MYCBP2: variants seen among roughly 807,000 people sequenced by gnomAD.
MYCBP2 encodes E3 ubiquitin-protein ligase MYCBP2.
MYCBP2 carries 120 observed loss-of-function variants against 525.3 expected under a neutral mutation model. That is an observed-to-expected ratio of 0.23 (90% CI 0.20 to 0.27). The LOEUF (loss-of-function observed/expected upper bound fraction) is 0.27. MYCBP2 is among the 10% of genes least tolerant of loss of function. MYCBP2 has a pLI of 1.00. For synonymous variants in MYCBP2, 1,894 were observed against 1,955.8 expected (o/e 0.97, Z 0.83); for missense variants, 4,149 against 5,657.1 (o/e 0.73, Z 8.55).
chr13:77,099,142 T>C, intron 55 of MYCBP2, 129 bp from the exon 56 acceptor site: 1 of 1,209,442 alleles, frequency 8.3e-7, no homozygotes, highest in Non-Finnish European at 1.1e-6. Context: ...ACTAAAATAC[T>C]TGAAGAATAA....
intron 55 of MYCBP2, among the ~76,000 whole-genome samples, chr13:77,114,389 T>C (rs185571016): frequency 6.6e-6 from 1 of 152,098 alleles, no homozygotes; most frequent in African/African-American, 2.4e-5. Context: ...CATTTTATAA[T>C]GAGGTAACAA....
At chr13:77,214,789 C>G (rs939017301) in intron 21 of MYCBP2, among the ~76,000 whole-genome samples, 1 of 152,112 alleles carries the variant, frequency 6.6e-6, no homozygotes, top group South Asian at 2.1e-4. Context: ...ATACTGTAGG[C>G]AACTGTAACC....
chr13:77,116,059 G>A (rs1215398920), intron 55 of MYCBP2, among the ~76,000 whole-genome samples: 1 of 151,776 alleles, frequency 6.6e-6, no homozygotes, highest in Admixed American at 6.6e-5. Context: ...TACTATGTAT[G>A]TTTCTGGGGC....
intron 32 of MYCBP2, among the ~76,000 whole-genome samples, chr13:77,183,592 A>ACCAGGCTG (rs1183398780): frequency 2.9e-5 from 3 of 103,576 alleles, no homozygotes; most frequent in African/African-American, 1.1e-4. Context: ...TCATTCTGTC[A>ACCAGGCTG]CCAGGCTGGA....
intron 68 of MYCBP2, among the ~76,000 whole-genome samples, chr13:77,072,290 C>CA (rs1417911042): frequency 5.2e-5 from 4 of 77,060 alleles, no homozygotes; most frequent in East Asian, 3.9e-4. Flanking sequence ...GACTCCATTT[C>CA]AAAAAAAAAG....
chr13:77,187,046 GCAATCCT>G (rs1398437261), intron 30 of MYCBP2, among the ~76,000 whole-genome samples: 1 of 152,084 alleles, frequency 6.6e-6, no homozygotes, highest in African/African-American at 2.4e-5. Flanking sequence ...CTGAGCTCAA[GCAATCCT>G]CCTGCCTCGG....
At chr13:77,054,685 C>CA (rs2037523354) in intron 80 of MYCBP2, among the ~76,000 whole-genome samples, 1 of 151,684 alleles carries the variant, frequency 6.6e-6, no homozygotes, top group Non-Finnish European at 1.5e-5. Context: ...ATTGCAGCCT[C>CA]AACCCCCTGG....
chr13:77,062,768 T>C (rs1016440351), intron 73 of MYCBP2, 71 bp from the exon 74 acceptor site: 6 of 1,127,398 alleles, frequency 5.3e-6, no homozygotes, highest in Non-Finnish European at 6.7e-6. Flanking sequence ...CTGTGACACA[T>C]CACAACAGCT....
At chr13:77,161,457 T>C (rs140316142) in intron 44 of MYCBP2, among the ~76,000 whole-genome samples, 1 of 152,358 alleles carries the variant, frequency 6.6e-6, no homozygotes, top group African/African-American at 2.4e-5. Flanking sequence ...AACCACTTAA[T>C]ATGACATACT....
chr13:77,231,500 C>A (rs956067393), intron 18 of MYCBP2, among the ~76,000 whole-genome samples: 6 of 152,224 alleles, frequency 3.9e-5, no homozygotes, highest in African/African-American at 1.4e-4. Flanking sequence ...ACCCCCTCAG[C>A]CTTCCAAAGT....
At chr13:77,227,709 T>G (rs1254913310) in intron 18 of MYCBP2, among the ~76,000 whole-genome samples, 1 of 152,218 alleles carries the variant, frequency 6.6e-6, no homozygotes, top group Non-Finnish European at 1.5e-5. Context: ...TATAAATGTA[T>G]TGATGCCTAG....
At chr13:77,177,697 C>A in intron 35 of MYCBP2, 51 bp downstream of exon 35, 1 of 1,426,018 alleles carries the variant, frequency 7.0e-7, no homozygotes, top group East Asian at 2.3e-5. Flanking sequence ...AATGGTAAAT[C>A]CTGATACACA....
At chr13:77,243,293 A>C in intron 16 of MYCBP2, 133 bp from the exon 17 acceptor site, 1 of 735,690 alleles carries the variant, frequency 1.4e-6, no homozygotes, top group Non-Finnish European at 2.3e-6. Flanking sequence ...TTTTACTTTA[A>C]TAATTCTTAG....
Position 77,270,458 on chromosome 13 carries a change from A to G in MYCBP2, c.1026T>C (p.Ser342=). The G allele has an allele frequency of 6.2e-7, 1 of 1,613,814 alleles. No homozygotes were observed. Among genetic ancestry groups the G allele is most frequent in the Middle Eastern group, 1.7e-4 (1 of 6,056 alleles). The change falls in exon 6 of 83, where the codon AGT becomes AGC. Residue 342 remains serine (S), a synonymous_variant. Coordinates refer to ENST00000544440, the MANE Select transcript of MYCBP2 (RefSeq NM_015057.5). ...VGKIQIQDWF[S]NGIKKAALMH... The stretch of plus-strand genomic sequence containing the variant: ...TTAAAGCTGCTTTCTTAATGCCATT[A>G]CTAAACCAGTCCTGAATTTGAATTT...
intron 20 of MYCBP2, among the ~76,000 whole-genome samples, chr13:77,219,108 A>T (rs746439469): frequency 9.9e-5 from 15 of 152,164 alleles, no homozygotes; most frequent in Non-Finnish European, 2.1e-4. Context: ...TGAGAGAGAA[A>T]AGAAGAGATC....
At chr13:77,203,446 AT>A (rs2062875570) in intron 26 of MYCBP2, among the ~76,000 whole-genome samples, 1 of 152,172 alleles carries the variant, frequency 6.6e-6, no homozygotes, top group Non-Finnish European at 1.5e-5. Context: ...GGAAGAATCA[AT>A]ATCGTGAAAA....
intron 23 of MYCBP2, among the ~76,000 whole-genome samples, chr13:77,210,610 C>T (rs1423723232): frequency 6.6e-6 from 1 of 152,082 alleles, no homozygotes; most frequent in African/African-American, 2.4e-5. Flanking sequence ...ATTTCTCTAC[C>T]AGTAAGAGTA....
chr13:77,113,232 C>T (rs1205076732), intron 55 of MYCBP2, among the ~76,000 whole-genome samples: 3 of 152,260 alleles, frequency 2.0e-5, no homozygotes, highest in Non-Finnish European at 2.9e-5. Context: ...CTGAGTAGGA[C>T]CTGCCTCTTT....
chr13:77,310,609 T>C (rs143968169), intron 1 of MYCBP2, among the ~76,000 whole-genome samples: 77 of 152,252 alleles, frequency 5.1e-4, no homozygotes, highest in African/African-American at 1.9e-3. Flanking sequence ...CAGTATCATA[T>C]ATATATAATT....
Sources: allele counts gnomAD v4.1 joint callset (sites outside exome capture counted in the v4.1 genomes callset), GRCh38; gene constraint gnomAD v4.1.1; transcripts MANE v1.5; gene names NCBI Gene and HGNC (gene_info 2026-07-23, HGNC 2026-07-21).